CSMD1: variants seen among roughly 807,000 people sequenced by gnomAD.
CSMD1 encodes CUB and sushi domain-containing protein 1.
Under a neutral mutation model 417.5 loss-of-function variants are expected in CSMD1, and 213 were observed. The ratio of observed to expected loss-of-function variants is 0.51; its 90% CI spans 0.46 to 0.57. The LOEUF is 0.57. Among genes scored for constraint, CSMD1 ranks in the 20% least tolerant of loss-of-function variants. The probability of loss-of-function intolerance (pLI) is 0.00; values close to 1 mark genes in which losing one functional copy is unlikely to be tolerated. For missense variants in CSMD1, 6,923 were observed against 4,529.7 expected, an observed-to-expected ratio of 1.53 and a Z score of -15.17; for synonymous variants, 2,862 against 1,736.8, an observed-to-expected ratio of 1.65 and a Z score of -16.11.
In CSMD1 at chr8:3,861,855, T is replaced by C. The variant is rs571887564; in HGVS notation, c.819-107813A>G. ...ATGAAGCCACTGGCTTTTAAATGTC[T>C]AATGGAGCCTAAGAAAACCCACAGT... On this transcript the variant is annotated intron_variant, in intron 5 of 69. Transcript: ENST00000635120. Among the ~76,000 whole-genome samples, 259 of 152,326 alleles carry C rather than the reference T, an allele frequency of 1.7e-3. 1 individual carries two copies. Among genetic ancestry groups the C allele is most frequent in the African/African-American group, 6.0e-3 (248 of 41,572 alleles).
Position 4,583,403 on chromosome 8 carries a change from C to T in CSMD1, c.302+53939G>A, listed in dbSNP as rs1799540279. Among the ~76,000 whole-genome samples the T allele has an allele frequency of 2.6e-5, 4 of 152,120 alleles. No homozygotes were observed. In the South Asian group the frequency reaches 6.2e-4, roughly 24 times the overall value. Reference sequence around the variant, plus strand: ...GGTTTGTAAACACACCAATCAGCACCCTGTGTCTAGCTCAGGGTTTGTGAG... The same window carrying T: ...GGTTTGTAAACACACCAATCAGCACTCTGTGTCTAGCTCAGGGTTTGTGAG... On this transcript the variant is annotated intron_variant, in intron 2 of 69. Transcript: ENST00000635120.
At chr8:3,691,279 A>C (rs1800226559) in intron 7 of CSMD1, among the ~76,000 whole-genome samples, 1 of 152,036 alleles carries the variant, frequency 6.6e-6, no homozygotes, top group South Asian at 2.1e-4. Context: ...GAAGCAGGAG[A>C]TCACTTGACC....
chr8:4,588,458 C>G (rs1799815031), intron 2 of CSMD1, among the ~76,000 whole-genome samples: 1 of 151,576 alleles, frequency 6.6e-6, no homozygotes, highest in Admixed American at 6.6e-5. Flanking sequence ...CCTCTCTGCA[C>G]TGTATTTGAA....
rs560717924 is a variant in CSMD1, at chr8:3,671,603, C to G, written c.1009+36811G>C. The stretch of plus-strand genomic sequence containing the variant: ...TATATATATATATATATGATTAGTT[C>G]TATCTCTTTAGATAACCCTGACTAA... On this transcript the variant is annotated intron_variant, in intron 7 of 69. Transcript: ENST00000635120. Among the ~76,000 whole-genome samples, 1,046 of 111,984 alleles carry G rather than the reference C, an allele frequency of 9.3e-3. 40 individuals carry two copies. The highest frequency in any genetic ancestry group is 0.033 in the African/African-American group (990 of 29,944). 73.5% of individuals were successfully genotyped at this position (111,984 alleles called of 152,430 possible).
chr8:4,231,627 C>T (rs988810954), intron 3 of CSMD1, among the ~76,000 whole-genome samples: 1 of 152,158 alleles, frequency 6.6e-6, no homozygotes, highest in African/African-American at 2.4e-5. Flanking sequence ...AGTCAGATAT[C>T]TTCTTTACTG....
chr8:3,103,619 T>C (rs1462899345), intron 46 of CSMD1, among the ~76,000 whole-genome samples: 1 of 152,138 alleles, frequency 6.6e-6, no homozygotes, highest in Non-Finnish European at 1.5e-5. Context: ...ATCTACACGG[T>C]CTGTCACGGT....
chr8:3,459,593 T>G (rs1263263797), intron 12 of CSMD1, among the ~76,000 whole-genome samples: 1 of 152,016 alleles, frequency 6.6e-6, no homozygotes, highest in Non-Finnish European at 1.5e-5. Flanking sequence ...ACAGGGGAAT[T>G]CAACCAATAG....
intron 3 of CSMD1, among the ~76,000 whole-genome samples, chr8:4,074,620 G>A (rs1444033028): frequency 6.6e-6 from 1 of 151,926 alleles, no homozygotes; most frequent in African/African-American, 2.4e-5. Flanking sequence ...TCCTACATTT[G>A]GGCAGAACTC....
chr8:2,999,125 A>G (rs537854476), intron 53 of CSMD1, among the ~76,000 whole-genome samples: 1 of 150,560 alleles, frequency 6.6e-6, no homozygotes, highest in East Asian at 2.0e-4. Context: ...CATTCATTAC[A>G]TGTAATTTTA....
chr8:4,767,590 C>T (rs557592418), intron 1 of CSMD1, among the ~76,000 whole-genome samples: 47 of 152,270 alleles, frequency 3.1e-4, no homozygotes, highest in African/African-American at 1.1e-3. Context: ...CATTCATCAA[C>T]ACAGTCCTCC....
chr8:4,444,182 A>G (rs1028785455), intron 2 of CSMD1, among the ~76,000 whole-genome samples: 1 of 151,776 alleles, frequency 6.6e-6, no homozygotes, highest in African/African-American at 2.4e-5. Flanking sequence ...TGCCTACTAA[A>G]AATATAAAAA....
chr8:4,797,954 A>G (rs541099114), intron 1 of CSMD1, among the ~76,000 whole-genome samples: 23 of 152,358 alleles, frequency 1.5e-4, no homozygotes, highest in African/African-American at 4.8e-4. Context: ...ATATGTGCCT[A>G]GACTACAGTT....
Position 3,740,072 on chromosome 8 carries a change from A to T in CSMD1, c.931+13858T>A, listed in dbSNP as rs80044081. On this transcript the variant is annotated intron_variant, in intron 6 of 69. Coordinates refer to ENST00000635120, the MANE Select transcript of CSMD1 (RefSeq NM_033225.6). ...AATATGCTGTTTTTCATAGAGTAAAAGATGCAACAAAGGTATTCATTTTAC... is the reference window on the plus strand; with the variant it reads ...AATATGCTGTTTTTCATAGAGTAAATGATGCAACAAAGGTATTCATTTTAC... 5.0e-3 allele frequency among the ~76,000 whole-genome samples: 754 copies of T among 152,294 alleles called. 3 individuals carry two copies. Among genetic ancestry groups the T allele is most frequent in the African/African-American group, 0.017 (690 of 41,570 alleles).
intron 41 of CSMD1, among the ~76,000 whole-genome samples, chr8:3,139,216 G>C (rs1367151178): frequency 6.6e-6 from 1 of 152,212 alleles, no homozygotes; most frequent in African/African-American, 2.4e-5. Flanking sequence ...AGGCACAAGA[G>C]TTATCAGCTG....
At chr8:4,980,757 G>C (rs1810845825) in intron 1 of CSMD1, among the ~76,000 whole-genome samples, 1 of 152,056 alleles carries the variant, frequency 6.6e-6, no homozygotes, top group African/African-American at 2.4e-5. Flanking sequence ...TACACCAAGT[G>C]AGCTGAGTGT....
At chr8:4,153,159 C>T (rs1796659111) in intron 3 of CSMD1, among the ~76,000 whole-genome samples, 1 of 152,116 alleles carries the variant, frequency 6.6e-6, no homozygotes, top group Non-Finnish European at 1.5e-5. Flanking sequence ...CTGTGGTGAC[C>T]ATGCCAGGAA....
At chr8:4,004,236 A>T (rs1431603492) in intron 4 of CSMD1, among the ~76,000 whole-genome samples, 1 of 152,086 alleles carries the variant, frequency 6.6e-6, no homozygotes, top group Admixed American at 6.5e-5. Flanking sequence ...TTTTGTCAAG[A>T]AATAGTTTAA....
chr8:4,536,515 CAT>C (rs1797110135), intron 2 of CSMD1, among the ~76,000 whole-genome samples: 1 of 152,160 alleles, frequency 6.6e-6, no homozygotes, highest in East Asian at 1.9e-4. Flanking sequence ...ACAAATCTCA[CAT>C]GTCATGATAT....
rs73660817 is a variant in CSMD1 at position 4,443,132 on chromosome 8, T to C, written c.303-23067A>G. The stretch of plus-strand genomic sequence containing the variant: ...GGGCTGTAAAAAGTGGTAGCTGGTA[T>C]AGCAACAGTATCTTATTCCTCCTTT... On this transcript the variant is annotated intron_variant, in intron 2 of 69. Coordinates refer to ENST00000635120, the MANE Select transcript of CSMD1 (RefSeq NM_033225.6). Among the ~76,000 whole-genome samples, 832 of 152,280 alleles carry C rather than the reference T, an allele frequency of 5.5e-3. 8 individuals are homozygous for C. The highest frequency in any genetic ancestry group is 0.019 in the African/African-American group (787 of 41,548).
Sources: allele counts gnomAD v4.1 joint callset (sites outside exome capture counted in the v4.1 genomes callset), GRCh38; gene constraint gnomAD v4.1.1; transcripts MANE v1.5; gene names NCBI Gene and HGNC (gene_info 2026-07-23, HGNC 2026-07-21).